RNF111: variants seen among roughly 807,000 people sequenced by gnomAD.
The protein encoded by RNF111 is ring finger protein 111.
RNF111 carries 17 observed loss-of-function variants against 95.1 expected under a neutral mutation model. The observed-to-expected ratio is 0.18, with a 90% CI of 0.12 to 0.27. The LOEUF (loss-of-function observed/expected upper bound fraction) is 0.27, where lower values mean the gene tolerates loss of function less well. RNF111 is among the 10% of genes least tolerant of loss of function. The probability of loss-of-function intolerance (pLI) is 1.00; values close to 1 mark genes in which losing one functional copy is unlikely to be tolerated. For missense variants in RNF111, 1,189 were observed against 1,210.4 expected, an observed-to-expected ratio of 0.98 and a Z score of 0.26; for synonymous variants, 440 against 414.8, an observed-to-expected ratio of 1.06 and a Z score of -0.74.
chr15:59,041,961 A>ATTTTTTTTTTT (rs79347638), intron 2 of RNF111, among the ~76,000 whole-genome samples: 8 of 100,102 alleles, frequency 8.0e-5, no homozygotes, highest in Non-Finnish European at 1.6e-4. Flanking sequence ...GTCTGTTCAT[A>ATTTTTTTTTTT]TTTTTTTTTT....
At chr15:59,062,660 T>A (rs2042491553) in intron 5 of RNF111, among the ~76,000 whole-genome samples, 1 of 152,204 alleles carries the variant, frequency 6.6e-6, no homozygotes, top group African/African-American at 2.4e-5. Flanking sequence ...TTGCCTATAA[T>A]AACTCTGATT....
At chr15:59,025,422 G>C (rs185232058) in intron 1 of RNF111, among the ~76,000 whole-genome samples, 17 of 152,242 alleles carry the variant, frequency 1.1e-4, no homozygotes, top group Middle Eastern at 3.4e-3. Context: ...ATGAAATTTT[G>C]GCTATTTAGA....
In RNF111 at chr15:58,990,293, A is replaced by G. The variant is rs565632013; in HGVS notation, c.-20+2225A>G. 1.7e-4 allele frequency among the ~76,000 whole-genome samples: 26 copies of G among 152,258 alleles called. No homozygotes were observed. The South Asian group carries it at 5.4e-3, about 32-fold the overall frequency. On this transcript the variant is annotated intron_variant, in intron 1 of 13. Coordinates refer to ENST00000348370, the MANE Select transcript of RNF111 (RefSeq NM_017610.8). ...GGTATTCATTGTTGTGTTTGTCGTA[A>G]TTGAATCCCCAGAAAGAAATGCTGT...
chr15:59,016,442 A>T (rs762628408), intron 1 of RNF111, among the ~76,000 whole-genome samples: 1 of 152,004 alleles, frequency 6.6e-6, no homozygotes, highest in Non-Finnish European at 1.5e-5. Context: ...TATATTCTGT[A>T]ATTCTTTCCA....
At chr15:59,047,773 G>T (rs1293787731) in intron 2 of RNF111, among the ~76,000 whole-genome samples, 1 of 151,938 alleles carries the variant, frequency 6.6e-6, no homozygotes, top group East Asian at 1.9e-4. Context: ...ACAGTTTTTC[G>T]CCATGTTGCC....
intron 2 of RNF111, among the ~76,000 whole-genome samples, chr15:59,047,116 C>G (rs1449827330): frequency 6.6e-6 from 1 of 152,120 alleles, no homozygotes; most frequent in African/African-American, 2.4e-5. Flanking sequence ...AGCCATCATG[C>G]CTGGCCAGGA....
intron 1 of RNF111, 48 bp from the exon 2 acceptor site, chr15:59,030,756 T>C: frequency 1.5e-6 from 2 of 1,323,144 alleles, no homozygotes; most frequent in African/African-American, 3.0e-5. Context: ...TTAAATAGTA[T>C]AATAAAACAC....
intron 2 of RNF111, among the ~76,000 whole-genome samples, chr15:59,033,197 G>T (rs1319078869): frequency 6.6e-6 from 1 of 152,174 alleles, no homozygotes; most frequent in African/African-American, 2.4e-5. Context: ...CTTATGTCTT[G>T]CCTGTTAAGG....
Position 59,084,241 on chromosome 15 carries a change from G to T in RNF111, c.2410G>T (p.Glu804Ter). ...TMSSHPRQAP[E>*]RSAWELGIEA... is the part of the protein sequence containing the mutation. Reference sequence around the variant, plus strand: ...GTCCTCACATCCTCGACAGGCTCCAGAGAGGTCTGCCTGGTCAGTATCTTC... The same window carrying T: ...GTCCTCACATCCTCGACAGGCTCCATAGAGGTCTGCCTGGTCAGTATCTTC... The change falls in exon 9 of 14, where the codon GAG becomes TAG. Residue 804 changes from glutamate (E) to a stop codon, truncating the protein, a stop_gained. Coordinates refer to ENST00000348370, the MANE Select transcript of RNF111 (RefSeq NM_017610.8). LOFTEE classifies it high-confidence loss of function. The T allele has an allele frequency of 6.3e-7, 1 of 1,589,524 alleles. No homozygotes were observed. Among genetic ancestry groups the T allele is most frequent in the Non-Finnish European group, 8.6e-7 (1 of 1,168,294 alleles).
chr15:59,055,853 G>A lies in RNF111; in HGVS notation c.1171+8G>A. 4 of 1,593,546 alleles carry A rather than the reference G, an allele frequency of 2.5e-6. No homozygotes were observed. The highest frequency in any genetic ancestry group is 3.4e-6 in the Non-Finnish European group (4 of 1,167,476). ...TTACCGTTGATGAAGATGGTAAATT[G>A]AAGTAGTAACAGTAGAAAATTATGA... On this transcript the variant is annotated splice_region_variant and intron_variant, in intron 4 of 13. Transcript: ENST00000348370.
rs745483170 is a variant in RNF111 at position 59,031,401 on chromosome 15, G to A, written c.579G>A (p.Ser193=). 2.2e-5 allele frequency: 36 copies of A among 1,614,144 alleles called. No homozygotes were observed. Among genetic ancestry groups the A allele is most frequent in the East Asian group, 6.7e-5 (3 of 44,888 alleles). ...KWPRTETESV[S]GLLMKRPCLH... is the part of the protein sequence containing the mutation. ...CTCGGACTGAGACAGAATCTGTATC[G>A]GGATTGTTAATGAAAAGACCCTGTT... The change falls in exon 2 of 14, where the codon TCG becomes TCA. Residue 193 remains serine, a synonymous_variant. Transcript: ENST00000348370.
intron 1 of RNF111, among the ~76,000 whole-genome samples, chr15:58,994,822 C>T (rs2038981688): frequency 6.6e-6 from 1 of 152,200 alleles, no homozygotes; most frequent in Non-Finnish European, 1.5e-5. Flanking sequence ...ATGCCCATTA[C>T]ATTGCATTAT....
chr15:59,027,599 G>C lies in RNF111; in HGVS notation c.-19-3205G>C, dbSNP rs563147170. Among the ~76,000 whole-genome samples the C allele has an allele frequency of 2.0e-3, 307 of 151,966 alleles. 1 individual carries two copies. The highest frequency in any genetic ancestry group is 7.2e-3 in the African/African-American group (300 of 41,448). On this transcript the variant is annotated intron_variant, in intron 1 of 13. Coordinates refer to ENST00000348370, the MANE Select transcript of RNF111 (RefSeq NM_017610.8). ...GCTGGAGTGCAATGGCGCAATCTCG[G>C]CTCACTGCAACCTATGTCTCCTGGG...
chr15:59,012,300 T>C (rs2039863606), intron 1 of RNF111, among the ~76,000 whole-genome samples: 1 of 152,138 alleles, frequency 6.6e-6, no homozygotes, highest in African/African-American at 2.4e-5. Flanking sequence ...ATTACAGGCG[T>C]GAGCCACTGC....
At chr15:59,004,068 A>G in intron 1 of RNF111, 1 of 708,606 alleles carries the variant, frequency 1.4e-6, no homozygotes, top group African/African-American at 1.9e-5. Flanking sequence ...AGCTGAGTTG[A>G]TCTTTTTGAA....
In RNF111 at chr15:59,031,719, T is replaced by G. The variant is rs2040918666; in HGVS notation, c.880+17T>G. On this transcript the variant is annotated intron_variant, in intron 2 of 13. Coordinates refer to ENST00000348370, the MANE Select transcript of RNF111 (RefSeq NM_017610.8). ...TTCCCTCAGGTAAAAATGTTTAAGC[T>G]GAGTAAAACATGGAACCTATTGCAT... The G allele has an allele frequency of 1.2e-6, 2 of 1,604,464 alleles. No homozygotes were observed. Among genetic ancestry groups the G allele is most frequent in the South Asian group, 1.1e-5 (1 of 89,716 alleles).
intron 1 of RNF111, among the ~76,000 whole-genome samples, chr15:59,007,804 GT>G (rs1436341753): frequency 1.3e-5 from 2 of 152,064 alleles, no homozygotes; most frequent in Non-Finnish European, 2.9e-5. Flanking sequence ...ATTTTTGTAT[GT>G]TTTGTAAAAT....
chr15:59,030,879 G>C lies in RNF111; in HGVS notation c.57G>C (p.Lys19Asn). 6.2e-7 allele frequency: 1 copy of C among 1,614,104 alleles called. No homozygotes were observed. The highest frequency in any genetic ancestry group is 8.5e-7 in the Non-Finnish European group (1 of 1,179,962). The change falls in exon 2 of 14, where the codon AAG becomes AAC. Residue 19 changes from lysine to asparagine, a missense_variant. Around this residue, in one of 2 missense-constraint regions of RNF111, gnomAD observed 1,024 missense variants for 925.9 expected, o/e 1.11. Transcript: ENST00000348370. ...TCTACACCTTAAAAGTGGATATGAA[G>C]AGTGAGATTCCTTCTGATGCACCAA... Reference protein sequence around the residue: ...NELYTLKVDMKSEIPSDAPKT... With the variant: ...NELYTLKVDMNSEIPSDAPKT...
intron 6 of RNF111, among the ~76,000 whole-genome samples, chr15:59,072,747 C>G (rs765241118): frequency 6.6e-6 from 1 of 151,890 alleles, no homozygotes; most frequent in Non-Finnish European, 1.5e-5. Flanking sequence ...CCACCACACC[C>G]GGCCTGTCAT....
Sources: gnomAD v4.1 joint callset for allele counts (sites outside exome capture counted in the v4.1 genomes callset) on GRCh38, gnomAD v4.1.1 for gene constraint, gnomAD v4.1.1 regional missense constraint, MANE v1.5 for transcripts, NCBI Gene and HGNC (gene_info 2026-07-23, HGNC 2026-07-21) for gene names.